The following ADAMTS6 variants were observed in gnomAD, a reference collection of about 807,000 sequenced individuals.
ADAMTS6 encodes the protein ADAM metallopeptidase with thrombospondin type 1 motif 6.
In ADAMTS6, 23 loss-of-function variants were observed where a neutral mutation model predicts 144.3. That is an observed-to-expected ratio of 0.16 (90% CI 0.11 to 0.23). The LOEUF (loss-of-function observed/expected upper bound fraction) is 0.23, where lower values mean the gene tolerates loss of function less well. ADAMTS6 is among the 10% of genes least tolerant of loss of function. The pLI is 1.00. For synonymous variants in ADAMTS6, 444 were observed against 457.5 expected (o/e 0.97, Z 0.38); for missense variants, 999 against 1,379.6 (o/e 0.72, Z 4.37).
intron 7 of ADAMTS6, among the ~76,000 whole-genome samples, chr5:65,443,204 C>G (rs561896483): frequency 6.6e-6 from 1 of 152,048 alleles, no homozygotes; most frequent in Non-Finnish European, 1.5e-5. Flanking sequence ...CAGGCCACAC[C>G]GTCTTCCACA....
At chr5:65,160,182 T>G (rs972835392) in intron 24 of ADAMTS6, among the ~76,000 whole-genome samples, 2 of 152,018 alleles carry the variant, frequency 1.3e-5, no homozygotes, top group Non-Finnish European at 2.9e-5. Flanking sequence ...TGGGGTAGAG[T>G]TGAAGTGGTT....
At chr5:65,370,475 G>A (rs1356984890) in intron 7 of ADAMTS6, among the ~76,000 whole-genome samples, 1 of 152,204 alleles carries the variant, frequency 6.6e-6, no homozygotes, top group Non-Finnish European at 1.5e-5. Context: ...AGCGCAAGGG[G>A]TCAGGGAGTT....
At chr5:65,356,371 C>A (rs1749323707) in intron 7 of ADAMTS6, among the ~76,000 whole-genome samples, 1 of 151,820 alleles carries the variant, frequency 6.6e-6, no homozygotes, top group African/African-American at 2.4e-5. Flanking sequence ...TTTTGGCAAA[C>A]AGGAGAACTC....
intron 14 of ADAMTS6, among the ~76,000 whole-genome samples, chr5:65,258,050 T>A (rs1381684138): frequency 6.6e-6 from 1 of 152,208 alleles, no homozygotes; most frequent in East Asian, 1.9e-4. Flanking sequence ...TACATGTAAT[T>A]ATTCCAAAAT....
At position 65,191,653 on chromosome 5, in the gene ADAMTS6, A is replaced by T. The variant is rs537208183; in HGVS notation, c.2706-3433T>A. On this transcript the variant is annotated intron_variant, in intron 21 of 24. Coordinates refer to ENST00000381055, the MANE Select transcript of ADAMTS6 (RefSeq NM_197941.4). ...AAGATAAAAAACTTTCCTACATTTT[A>T]AATTAACTTAAAAAAATTTCAAAAC... 1.4e-3 allele frequency among the ~76,000 whole-genome samples: 219 copies of T among 152,222 alleles called. 1 individual carries two copies. The highest frequency in any genetic ancestry group is 5.1e-3 in the African/African-American group (212 of 41,574).
At chr5:65,224,487 T>A in intron 17 of ADAMTS6, 87 bp from the exon 18 acceptor site, 1 of 1,135,756 alleles carries the variant, frequency 8.8e-7, no homozygotes. Context: ...GTTTCCTTAT[T>A]ATTCCATTCT....
rs553762925 is a variant in ADAMTS6, at chr5:65,224,193, G to A, written c.2272+127C>T. The A allele has an allele frequency of 4.1e-6, 3 of 737,748 alleles. No homozygotes were observed. The South Asian group carries it at 4.9e-5, about 12-fold the overall frequency. The allele number at this position is 737,748 out of a possible 1,614,324, so 45.7% of individuals were successfully genotyped here. ...TTGTATATGTGTTCTATAAAACTTA[G>A]AGCTTACTTCATTTTAGCATGAAAG... On this transcript the variant is annotated intron_variant, in intron 18 of 24. Transcript: ENST00000381055.
chr5:65,340,976 T>C (rs1747766501), intron 7 of ADAMTS6, among the ~76,000 whole-genome samples: 1 of 151,946 alleles, frequency 6.6e-6, no homozygotes, highest in Admixed American at 6.6e-5. Context: ...AGAGATAGGC[T>C]GCAATAATAT....
intron 3 of ADAMTS6, among the ~76,000 whole-genome samples, chr5:65,462,311 C>G (rs1264472637): frequency 6.6e-6 from 1 of 152,118 alleles, no homozygotes; most frequent in African/African-American, 2.4e-5. Flanking sequence ...TAAAGTCATG[C>G]TGGTCTGTGG....
intron 7 of ADAMTS6, among the ~76,000 whole-genome samples, chr5:65,396,891 C>T (rs981682746): frequency 6.6e-6 from 1 of 152,200 alleles, no homozygotes; most frequent in Non-Finnish European, 1.5e-5. Flanking sequence ...CTTCTATCTT[C>T]TGAGAGATTG....
intron 7 of ADAMTS6, among the ~76,000 whole-genome samples, chr5:65,402,565 A>T (rs1754017777): frequency 6.6e-6 from 1 of 152,120 alleles, no homozygotes; most frequent in East Asian, 1.9e-4. Flanking sequence ...TCACTGAGAA[A>T]ATAGAAACAA....
intron 15 of ADAMTS6, among the ~76,000 whole-genome samples, chr5:65,241,117 G>A (rs745650538): frequency 5.3e-5 from 8 of 151,350 alleles, no homozygotes; most frequent in Non-Finnish European, 1.2e-4. Context: ...ATAGTAAAAC[G>A]TTAATGGTAG....
At chr5:65,366,986 G>T (rs866318634) in intron 7 of ADAMTS6, among the ~76,000 whole-genome samples, 1 of 152,186 alleles carries the variant, frequency 6.6e-6, no homozygotes, top group Non-Finnish European at 1.5e-5. Flanking sequence ...AATGATGCGG[G>T]GGGTGGGGAG....
intron 7 of ADAMTS6, among the ~76,000 whole-genome samples, chr5:65,361,342 C>T (rs77341031): frequency 0.011 from 1,714 of 152,206 alleles, 33 homozygotes; most frequent in African/African-American, 0.039. Context: ...CAAAGACACT[C>T]AAATAGCCAC....
At chr5:65,288,318 CT>C (rs35577398) in intron 11 of ADAMTS6, among the ~76,000 whole-genome samples, 75,058 of 135,864 alleles carry the variant, frequency 0.55, 20,617 homozygotes, top group African/African-American at 0.71. Context: ...CTTTTCTTTT[CT>C]TTTTTTTTTT....
chr5:65,373,744 CG>C (rs1048444985), intron 7 of ADAMTS6, among the ~76,000 whole-genome samples: 1 of 152,108 alleles, frequency 6.6e-6, no homozygotes, highest in Non-Finnish European at 1.5e-5. Context: ...GGGAATCCTC[CG>C]TAACTCATTT....
chr5:65,328,434 C>T (rs1004357891), intron 9 of ADAMTS6, among the ~76,000 whole-genome samples: 18 of 151,922 alleles, frequency 1.2e-4, no homozygotes, highest in Non-Finnish European at 2.2e-4. Flanking sequence ...GCTAAAAATG[C>T]TTGACTAACA....
intron 7 of ADAMTS6, among the ~76,000 whole-genome samples, chr5:65,335,863 A>G (rs879763211): frequency 1.5e-4 from 23 of 152,152 alleles, no homozygotes; most frequent in Admixed American, 2.6e-4. Context: ...CAGACAAAAC[A>G]GTGAATACAC....
At chr5:65,206,836 T>A (rs1580055568) in intron 20 of ADAMTS6, among the ~76,000 whole-genome samples, 1 of 105,586 alleles carries the variant, frequency 9.5e-6, no homozygotes, top group South Asian at 2.9e-4. Flanking sequence ...TCTCTCTCTC[T>A]CTCACACACA....
Sources: allele counts gnomAD v4.1 joint callset (sites outside exome capture counted in the v4.1 genomes callset), GRCh38; gene constraint gnomAD v4.1.1; transcripts MANE v1.5; gene names NCBI Gene and HGNC (gene_info 2026-07-23, HGNC 2026-07-21).